SND1: variants seen among roughly 807,000 people sequenced by gnomAD.
The protein encoded by SND1 is staphylococcal nuclease and tudor domain containing 1, also known as staphylococcal nuclease domain-containing protein 1.
SND1 carries 38 observed loss-of-function variants against 121.7 expected under a neutral mutation model. The observed-to-expected ratio is 0.31, with a 90% CI of 0.24 to 0.41. The LOEUF (loss-of-function observed/expected upper bound fraction) is 0.41, where lower values mean the gene tolerates loss of function less well. Among genes scored for constraint, SND1 ranks in the 10% least tolerant of loss-of-function variants. The probability of loss-of-function intolerance (pLI) is 1.00; values close to 1 mark genes in which losing one functional copy is unlikely to be tolerated. For missense variants in SND1, 868 were observed against 1,184.6 expected, an observed-to-expected ratio of 0.73 and a Z score of 3.92; for synonymous variants, 401 against 447.4, an observed-to-expected ratio of 0.90 and a Z score of 1.31.
chr7:127,981,078 G>T (rs1357300543), intron 15 of SND1, among the ~76,000 whole-genome samples: 2 of 152,178 alleles, frequency 1.3e-5, no homozygotes, highest in African/African-American at 4.8e-5. Flanking sequence ...TTGCTCAGAC[G>T]TAGCATTTGT....
chr7:127,826,262 A>G (rs1162570589), intron 11 of SND1, among the ~76,000 whole-genome samples: 2 of 152,186 alleles, frequency 1.3e-5, no homozygotes, highest in African/African-American at 4.8e-5. Context: ...TTATGTATTG[A>G]TTTTAATGGC....
chr7:128,083,809 G>A (rs1344730325), intron 18 of SND1, among the ~76,000 whole-genome samples: 1 of 152,158 alleles, frequency 6.6e-6, no homozygotes, highest in East Asian at 1.9e-4. Flanking sequence ...GGGCAAAAAA[G>A]GTCTGAGACT....
chr7:128,029,778 G>T lies in SND1; in HGVS notation c.1779+38722G>T. 1 of 1,613,308 alleles carries T rather than the reference G, an allele frequency of 6.2e-7. No homozygotes were observed. ...ATGCAACTCCACCAGGTACCTCAGC[G>T]GGGTAAAGAGGTCATGGGGCAAAGA... On this transcript the variant is annotated intron_variant, in intron 16 of 23. Transcript: ENST00000354725. The surrounding 1 kb of genome is among the most constrained non-coding windows in gnomAD (Gnocchi z 4.2).
chr7:127,666,429 A>G (rs569511784), intron 1 of SND1, among the ~76,000 whole-genome samples: 59 of 152,340 alleles, frequency 3.9e-4, no homozygotes, highest in African/African-American at 1.4e-3. Flanking sequence ...TCTGAGGAAA[A>G]GGGCCTCAGA....
intron 11 of SND1, among the ~76,000 whole-genome samples, chr7:127,832,978 C>A (rs1455489989): frequency 6.6e-6 from 1 of 152,210 alleles, no homozygotes; most frequent in East Asian, 1.9e-4. Flanking sequence ...ATCCCGAAAT[C>A]ATCCTCCCCA....
chr7:127,856,341 A>G (rs752896951), intron 12 of SND1, among the ~76,000 whole-genome samples: 13 of 152,206 alleles, frequency 8.5e-5, no homozygotes, highest in Non-Finnish European at 1.8e-4. Flanking sequence ...GGGCTACCAA[A>G]TTAGTGTTTT....
chr7:128,042,380 T>A (rs1792871128), intron 16 of SND1: 1 of 152,262 alleles, frequency 6.6e-6, no homozygotes, highest in Non-Finnish European at 1.5e-5. Flanking sequence ...GCCCTGTCCT[T>A]CCTGCCCTGG....
At chr7:127,956,855 A>G (rs1801605533) in intron 15 of SND1, among the ~76,000 whole-genome samples, 1 of 152,238 alleles carries the variant, frequency 6.6e-6, no homozygotes, top group Non-Finnish European at 1.5e-5. Context: ...ATCACATTGT[A>G]TAATTTACTT....
chr7:128,032,340 C>T (rs1355712844), intron 16 of SND1, among the ~76,000 whole-genome samples: 6 of 149,192 alleles, frequency 4.0e-5, no homozygotes, highest in Non-Finnish European at 5.9e-5. Context: ...CGGGCCGCTT[C>T]CTCCCCGCCC....
intron 17 of SND1, among the ~76,000 whole-genome samples, chr7:128,081,081 G>A (rs1335404080): frequency 1.3e-5 from 2 of 151,450 alleles, no homozygotes; most frequent in African/African-American, 2.4e-5. Context: ...ACCGCAACCC[G>A]TGCCTCCCAG....
At chr7:127,674,520 G>C (rs1795583545) in intron 1 of SND1, among the ~76,000 whole-genome samples, 1 of 152,150 alleles carries the variant, frequency 6.6e-6, no homozygotes, top group African/African-American at 2.4e-5. Flanking sequence ...AGCTTTCTGT[G>C]ACCTGCCAGC....
intron 10 of SND1, among the ~76,000 whole-genome samples, chr7:127,771,382 A>T (rs757878172): frequency 6.6e-6 from 1 of 152,182 alleles, no homozygotes; most frequent in African/African-American, 2.4e-5. Flanking sequence ...CAGGTGCCTT[A>T]TGTGTTCATG....
chr7:127,952,926 G>A (rs1455924367), intron 15 of SND1, among the ~76,000 whole-genome samples: 3 of 152,092 alleles, frequency 2.0e-5, no homozygotes, highest in Non-Finnish European at 4.4e-5. Flanking sequence ...ACTTTGGGAG[G>A]CCAAGGCAGG....
At chr7:127,817,892 GCCTC>G (rs1798476878) in intron 11 of SND1, among the ~76,000 whole-genome samples, 1 of 152,008 alleles carries the variant, frequency 6.6e-6, no homozygotes, top group African/African-American at 2.4e-5. Flanking sequence ...AGGGCAAAGA[GCCTC>G]TCTTGTCTTT....
chr7:127,824,174 T>G (rs767863220), intron 11 of SND1, among the ~76,000 whole-genome samples: 24 of 152,230 alleles, frequency 1.6e-4, no homozygotes, highest in Non-Finnish European at 3.1e-4. Flanking sequence ...CCACTGATTT[T>G]AAATAATACC....
chr7:127,858,257 G>T, intron 12 of SND1: 1 of 781,446 alleles, frequency 1.3e-6, no homozygotes, highest in Non-Finnish European at 2.2e-6. Context: ...CATCTGGTCG[G>T]CCAATTCGGA....
rs757218956 is a variant in SND1 at position 128,029,789 on chromosome 7, G to A, written c.1779+38733G>A. ...CCAGGTACCTCAGCGGGGTAAAGAG[G>A]TCATGGGGCAAAGAAGAGAGGTTAT... On this transcript the variant is annotated intron_variant, in intron 16 of 23. Coordinates refer to ENST00000354725, the MANE Select transcript of SND1 (RefSeq NM_014390.4). This position sits in a 1 kb window ranked among gnomAD's most constrained non-coding sequence, Gnocchi z 4.2. 10 of 1,613,766 alleles carry A rather than the reference G, an allele frequency of 6.2e-6. No individual in the cohort carries two copies. Among genetic ancestry groups the A allele is most frequent in the South Asian group, 1.1e-5 (1 of 91,090 alleles).
chr7:128,083,396 T>C (rs758608632), intron 18 of SND1, among the ~76,000 whole-genome samples: 1 of 152,208 alleles, frequency 6.6e-6, no homozygotes, highest in Non-Finnish European at 1.5e-5. Context: ...AAGAGAATTA[T>C]AGAGGGCTGA....
intron 13 of SND1, among the ~76,000 whole-genome samples, chr7:127,891,495 C>T (rs1800008196): frequency 6.6e-6 from 1 of 152,086 alleles, no homozygotes; most frequent in East Asian, 1.9e-4. Context: ...TCTTTCACTG[C>T]TGCTTCTGCC....
Sources: allele counts gnomAD v4.1 joint callset (sites outside exome capture counted in the v4.1 genomes callset), GRCh38; gene constraint gnomAD v4.1.1; non-coding constraint Gnocchi (gnomAD v3.1); transcripts MANE v1.5; gene names NCBI Gene and HGNC (gene_info 2026-07-23, HGNC 2026-07-21).